Variants in PLCL2 observed in about 807,000 individuals in gnomAD.
PLCL2 encodes inactive phospholipase C-like protein 2.
Under a neutral mutation model 79.6 loss-of-function variants are expected in PLCL2, and 4 were observed. The observed-to-expected ratio is 0.05, with a 90% CI of 0.02 to 0.11. The LOEUF is 0.11. PLCL2 is among the 10% of genes least tolerant of loss of function. PLCL2 has a pLI of 1.00. For synonymous variants in PLCL2, 484 were observed against 457.7 expected (o/e 1.06, Z -0.73); for missense variants, 895 against 1,291.0 (o/e 0.69, Z 4.70).
chr3:17,041,556 A>G (rs12487288), intron 3 of PLCL2, among the ~76,000 whole-genome samples: 87,952 of 152,064 alleles, frequency 0.58, 25,726 homozygotes, highest in South Asian at 0.65. Context: ...TACCAAAAAT[A>G]TGGTGGTTTT....
intron 1 of PLCL2, among the ~76,000 whole-genome samples, chr3:16,946,696 T>C (rs1201025097): frequency 2.6e-5 from 4 of 152,176 alleles, no homozygotes; most frequent in Non-Finnish European, 5.9e-5. Context: ...TTTTTTCATT[T>C]TGCTTTTCTA....
intron 3 of PLCL2, among the ~76,000 whole-genome samples, chr3:17,037,216 T>A (rs751311105): frequency 7.2e-5 from 11 of 152,168 alleles, no homozygotes; most frequent in Non-Finnish European, 1.5e-4. Flanking sequence ...CCCAAGGTCA[T>A]CCTGAGCCTG....
At chr3:17,052,630 T>A (rs2064853978) in intron 4 of PLCL2, among the ~76,000 whole-genome samples, 1 of 152,134 alleles carries the variant, frequency 6.6e-6, no homozygotes, top group Admixed American at 6.6e-5. Flanking sequence ...TGAGTGTGCC[T>A]GCCTCCCCTG....
intron 1 of PLCL2, among the ~76,000 whole-genome samples, chr3:16,984,617 A>C (rs966589944): frequency 1.3e-5 from 2 of 152,096 alleles, no homozygotes; most frequent in Non-Finnish European, 2.9e-5. Flanking sequence ...AAAAAGGATT[A>C]TGACTTAAGG....
chr3:17,018,237 C>T (rs1232141351), intron 3 of PLCL2, among the ~76,000 whole-genome samples: 3 of 152,094 alleles, frequency 2.0e-5, no homozygotes. Context: ...CCTTCTTCCT[C>T]CCAATGGTGA....
intron 4 of PLCL2, among the ~76,000 whole-genome samples, chr3:17,047,534 C>A (rs2064793645): frequency 6.6e-6 from 1 of 152,214 alleles, no homozygotes; most frequent in South Asian, 2.1e-4. Context: ...AGGGTTGCAT[C>A]TTCACTGAGT....
intron 1 of PLCL2, among the ~76,000 whole-genome samples, chr3:16,921,614 C>G (rs1485800507): frequency 6.6e-6 from 1 of 152,164 alleles, no homozygotes; most frequent in African/African-American, 2.4e-5. Flanking sequence ...AGATGTACTG[C>G]TCCCTGTATA....
At chr3:16,950,583 T>C (rs1288692610) in intron 1 of PLCL2, among the ~76,000 whole-genome samples, 1 of 151,964 alleles carries the variant, frequency 6.6e-6, no homozygotes, top group Non-Finnish European at 1.5e-5. Flanking sequence ...CTTTTTTTTT[T>C]TCGATGCTGC....
chr3:17,038,907 C>T (rs1449143082), intron 3 of PLCL2, among the ~76,000 whole-genome samples: 1 of 152,136 alleles, frequency 6.6e-6, no homozygotes, highest in African/African-American at 2.4e-5. Context: ...GCTTCAAGAC[C>T]AAACAGAATA....
chr3:16,946,062 A>C, intron 1 of PLCL2, among the ~76,000 whole-genome samples: 1 of 152,234 alleles, frequency 6.6e-6, no homozygotes, highest in East Asian at 1.9e-4. Flanking sequence ...CCAGAGAAAC[A>C]GTGTAAATTT....
At position 17,087,617 on chromosome 3, in the gene PLCL2, A is replaced by G. The variant is rs151116519; in HGVS notation, c.3205-2116A>G. On this transcript the variant is annotated intron_variant, in intron 5 of 5. Coordinates refer to ENST00000615277, the MANE Select transcript of PLCL2 (RefSeq NM_001144382.2). ...ACATTTTTCAAAACCCATGGAATAC[A>G]CAAAACCAAGGGTGAGCCCTAATTT... is the stretch of plus-strand genomic sequence containing the variant. Among the ~76,000 whole-genome samples, 781 of 152,304 alleles carry G rather than the reference A, an allele frequency of 5.1e-3. 6 individuals are homozygous for G. The highest frequency in any genetic ancestry group is 0.017 in the African/African-American group (727 of 41,566).
At chr3:17,004,778 T>C (rs2064244570) in intron 1 of PLCL2, among the ~76,000 whole-genome samples, 1 of 146,992 alleles carries the variant, frequency 6.8e-6, no homozygotes, top group African/African-American at 2.7e-5. Context: ...CTTTCTTGGG[T>C]TTTTTTGTTT....
At position 17,090,276 on chromosome 3, in the gene PLCL2, TGGAGAA is replaced by T; in HGVS notation, c.*365_*370del. 1 of 983,022 alleles carries T rather than the reference TGGAGAA, an allele frequency of 1.0e-6. No homozygotes were observed. The highest frequency in any genetic ancestry group is 1.2e-6 in the Non-Finnish European group (1 of 826,590). 60.9% of individuals were successfully genotyped at this position (983,022 alleles called of 1,614,324 possible). The stretch of plus-strand genomic sequence containing the variant: ...ATTGGATTGTCAAATTATTATTTAT[TGGAGAA>T]AAAAACCTGATCTACACATTTTTAC... On this transcript the variant is annotated 3_prime_UTR_variant, in exon 6 of 6. Coordinates refer to ENST00000615277, the MANE Select transcript of PLCL2 (RefSeq NM_001144382.2).
At chr3:17,041,145 G>T (rs1033098411) in intron 3 of PLCL2, among the ~76,000 whole-genome samples, 11 of 152,102 alleles carry the variant, frequency 7.2e-5, no homozygotes, top group African/African-American at 2.7e-4. Flanking sequence ...GTATAATAAA[G>T]TTCTTAACGA....
At chr3:16,953,490 A>G (rs1393995794) in intron 1 of PLCL2, among the ~76,000 whole-genome samples, 1 of 152,196 alleles carries the variant, frequency 6.6e-6, no homozygotes, top group Non-Finnish European at 1.5e-5. Flanking sequence ...TAAAATAGAT[A>G]GGATCACTGC....
chr3:16,996,741 G>A (rs2064157209), intron 1 of PLCL2, among the ~76,000 whole-genome samples: 1 of 152,080 alleles, frequency 6.6e-6, no homozygotes, highest in Non-Finnish European at 1.5e-5. Context: ...TCTCCATGTG[G>A]CCGTTTGGTA....
intron 1 of PLCL2, among the ~76,000 whole-genome samples, chr3:16,971,367 A>T (rs2063866490): frequency 1.3e-5 from 2 of 152,096 alleles, no homozygotes; most frequent in African/African-American, 4.8e-5. Context: ...AAGATCAGAT[A>T]TTTGTAGATA....
chr3:17,049,634 T>C (rs2064818218), intron 4 of PLCL2, among the ~76,000 whole-genome samples: 1 of 152,052 alleles, frequency 6.6e-6, no homozygotes, highest in African/African-American at 2.4e-5. Flanking sequence ...GTGAAACATC[T>C]CTATTAATGA....
chr3:16,898,094 G>A (rs1308923970), intron 1 of PLCL2, among the ~76,000 whole-genome samples: 1 of 152,138 alleles, frequency 6.6e-6, no homozygotes, highest in Non-Finnish European at 1.5e-5. Context: ...TGACCTGAGG[G>A]GAAGGCCAAG....
Sources: allele counts gnomAD v4.1 joint callset (sites outside exome capture counted in the v4.1 genomes callset), GRCh38; gene constraint gnomAD v4.1.1; transcripts MANE v1.5; gene names NCBI Gene and HGNC (gene_info 2026-07-23, HGNC 2026-07-21).